Variants in SLC14A2 observed in about 807,000 individuals in gnomAD.
The protein encoded by SLC14A2 is solute carrier family 14 member 2.
A neutral mutation model predicts 104.6 loss-of-function variants in SLC14A2; 91 were observed. The observed-to-expected ratio is 0.87, with a 90% CI of 0.73 to 1.04. The LOEUF (loss-of-function observed/expected upper bound fraction) is 1.04. Ranked by LOEUF, SLC14A2 falls within the 50% of genes least tolerant of loss-of-function variation. The pLI is 0.00. For missense variants in SLC14A2, 1,189 were observed against 1,156.0 expected (o/e 1.03, Z -0.41); for synonymous variants, 476 against 466.4 (o/e 1.02, Z -0.27).
intron 1 of SLC14A2, among the ~76,000 whole-genome samples, chr18:45,480,584 T>G (rs1377613888): frequency 6.6e-6 from 1 of 152,202 alleles, no homozygotes; most frequent in Admixed American, 6.5e-5. Context: ...GGTACATCAG[T>G]GCTCTTTCTT....
intron 1 of SLC14A2, among the ~76,000 whole-genome samples, chr18:45,408,040 A>C (rs2086175446): frequency 6.6e-6 from 1 of 152,232 alleles, no homozygotes; most frequent in Non-Finnish European, 1.5e-5. Flanking sequence ...GGTTGCCACA[A>C]ACCTTCAATT....
chr18:45,280,523 G>A (rs754716254), intron 1 of SLC14A2, among the ~76,000 whole-genome samples: 13 of 152,174 alleles, frequency 8.5e-5, no homozygotes, highest in Middle Eastern at 3.4e-3. Context: ...TTGAAGTGTG[G>A]TCCAGTCCAT....
intron 1 of SLC14A2, among the ~76,000 whole-genome samples, chr18:45,270,651 A>G (rs1480085267): frequency 6.6e-6 from 1 of 152,190 alleles, no homozygotes; most frequent in Non-Finnish European, 1.5e-5. Flanking sequence ...TTGGATCTCT[A>G]TCATAACAAT....
At chr18:45,599,350 G>A (rs188878869) in intron 2 of SLC14A2, among the ~76,000 whole-genome samples, 6 of 152,298 alleles carry the variant, frequency 3.9e-5, no homozygotes, top group Admixed American at 1.3e-4. Context: ...GAATCACAGC[G>A]GATGTGGCCA....
rs545847159 is a variant in SLC14A2 at position 45,470,800 on chromosome 18, T to A, written c.-124-12433T>A. 5.8e-4 allele frequency among the ~76,000 whole-genome samples: 89 copies of A among 152,290 alleles called. 1 individual carries two copies. Among genetic ancestry groups the A allele is most frequent in the Admixed American group, 2.0e-3 (31 of 15,292 alleles). On this transcript the variant is annotated intron_variant, in intron 1 of 20. Transcript: ENST00000586448. ...ATGATGATGATGATATTTCTGCTAA[T>A]CTCAACCTTATACTTTTTAATAAAC...
At chr18:45,326,510 T>C (rs1339069238) in intron 1 of SLC14A2, among the ~76,000 whole-genome samples, 1 of 152,206 alleles carries the variant, frequency 6.6e-6, no homozygotes, top group Non-Finnish European at 1.5e-5. Context: ...GCAAAAGTGC[T>C]TCTCCCCAAC....
At chr18:45,372,393 T>C (rs1008356260) in intron 1 of SLC14A2, among the ~76,000 whole-genome samples, 1 of 151,998 alleles carries the variant, frequency 6.6e-6, no homozygotes, top group Non-Finnish European at 1.5e-5. Context: ...GAATACTGGA[T>C]TGAGCTGGAG....
the SLC14A2 span, among the ~76,000 whole-genome samples, chr18:45,200,991 T>C: frequency 6.6e-6 from 1 of 152,146 alleles, no homozygotes; most frequent in Non-Finnish European, 1.5e-5. Context: ...CTCTTTAGGC[T>C]TCTCTTGGCT....
At chr18:45,294,672 C>A (rs574163054) in intron 1 of SLC14A2, among the ~76,000 whole-genome samples, 23 of 152,200 alleles carry the variant, frequency 1.5e-4, no homozygotes, top group Non-Finnish European at 2.6e-4. Flanking sequence ...TGATTTTCCA[C>A]GATCAAATAT....
At chr18:45,577,501 A>ATAGAG (rs543420724) in intron 2 of SLC14A2, among the ~76,000 whole-genome samples, 3 of 152,178 alleles carry the variant, frequency 2.0e-5, no homozygotes, top group Non-Finnish European at 2.9e-5. Flanking sequence ...ATCTTTCATA[A>ATAGAG]TAGAGTATTC....
chr18:45,569,467 A>G (rs1338176964), intron 2 of SLC14A2, among the ~76,000 whole-genome samples: 1 of 152,256 alleles, frequency 6.6e-6, no homozygotes, highest in African/African-American at 2.4e-5. Context: ...AAAATTCAAG[A>G]TTTAGAGATC....
At chr18:45,558,418 T>C (rs563809959) in intron 2 of SLC14A2, among the ~76,000 whole-genome samples, 3 of 152,132 alleles carry the variant, frequency 2.0e-5, no homozygotes, top group East Asian at 3.9e-4. Context: ...ACAGAGAAGA[T>C]GGAAATGAGA....
At chr18:45,184,363 T>A in the SLC14A2 span, among the ~76,000 whole-genome samples, 1 of 152,222 alleles carries the variant, frequency 6.6e-6, no homozygotes, top group Non-Finnish European at 1.5e-5. Context: ...GTCAAAATAC[T>A]CTTGCTCTGA....
chr18:45,606,548 C>T (rs1272081728), intron 2 of SLC14A2, among the ~76,000 whole-genome samples: 1 of 151,988 alleles, frequency 6.6e-6, no homozygotes. Context: ...GCCACAATCA[C>T]GATGCCACTG....
At chr18:45,206,305 T>C in the SLC14A2 span, among the ~76,000 whole-genome samples, 15 of 152,276 alleles carry the variant, frequency 9.9e-5, no homozygotes, top group African/African-American at 3.1e-4. Flanking sequence ...ATCAGATTCT[T>C]GGCTCACCTT....
intron 2 of SLC14A2, among the ~76,000 whole-genome samples, chr18:45,493,949 C>T (rs903755084): frequency 6.6e-6 from 1 of 152,210 alleles, no homozygotes; most frequent in African/African-American, 2.4e-5. Context: ...AAGCCACATC[C>T]TTAATCACCT....
intron 7 of SLC14A2, among the ~76,000 whole-genome samples, chr18:45,640,909 A>G (rs1599104172): frequency 6.6e-6 from 1 of 152,172 alleles, no homozygotes; most frequent in South Asian, 2.1e-4. Context: ...CTAAGACTGC[A>G]GTTGCTGTAG....
chr18:45,547,071 T>C (rs1427565088), intron 2 of SLC14A2, among the ~76,000 whole-genome samples: 2 of 152,192 alleles, frequency 1.3e-5, no homozygotes, highest in Non-Finnish European at 2.9e-5. Flanking sequence ...GATTAGGGCA[T>C]GGGCTAATCA....
At chr18:45,474,039 T>C (rs1461132063) in intron 1 of SLC14A2, among the ~76,000 whole-genome samples, 3 of 152,192 alleles carry the variant, frequency 2.0e-5, no homozygotes, top group Non-Finnish European at 4.4e-5. Context: ...CTTAATATTT[T>C]GAGATACATT....
Sources: gnomAD v4.1 joint callset for allele counts (sites outside exome capture counted in the v4.1 genomes callset) on GRCh38, gnomAD v4.1.1 for gene constraint, MANE v1.5 for transcripts, NCBI Gene and HGNC (gene_info 2026-07-23, HGNC 2026-07-21) for gene names.